The following ADCY2 variants were observed in gnomAD, a reference collection of about 807,000 sequenced individuals.
ADCY2 encodes adenylate cyclase 2.
Under a neutral mutation model 125.2 loss-of-function variants are expected in ADCY2, and 31 were observed. The ratio of observed to expected loss-of-function variants is 0.25; its 90% CI spans 0.19 to 0.33. The LOEUF (loss-of-function observed/expected upper bound fraction) is 0.33. Ranked by LOEUF, ADCY2 falls within the 10% of genes least tolerant of loss-of-function variation. The pLI is 1.00. For synonymous variants in ADCY2, 512 were observed against 548.4 expected (o/e 0.93, Z 0.93); for missense variants, 904 against 1,418.2 (o/e 0.64, Z 5.82).
intron 24 of ADCY2, among the ~76,000 whole-genome samples, chr5:7,821,495 G>A (rs1450134859): frequency 6.6e-6 from 1 of 152,198 alleles, no homozygotes; most frequent in Admixed American, 6.5e-5. Flanking sequence ...TGGCAGCTTG[G>A]TCAAGCCTGT....
At chr5:7,517,436 G>GT (rs2126528094) in intron 2 of ADCY2, among the ~76,000 whole-genome samples, 1 of 152,250 alleles carries the variant, frequency 6.6e-6, no homozygotes, top group Admixed American at 6.5e-5. Context: ...CCTATTTGAA[G>GT]TTGCATTGGA....
chr5:7,825,224 C>G (rs1745435209), intron 24 of ADCY2, among the ~76,000 whole-genome samples: 2 of 152,108 alleles, frequency 1.3e-5, no homozygotes, highest in African/African-American at 2.4e-5. Flanking sequence ...TGCTGTGCGC[C>G]ACGACAACGC....
intron 2 of ADCY2, among the ~76,000 whole-genome samples, chr5:7,519,871 T>A (rs1744380366): frequency 6.6e-6 from 1 of 152,098 alleles, no homozygotes; most frequent in Non-Finnish European, 1.5e-5. Flanking sequence ...CCCTATGGGT[T>A]TACTTATTCT....
chr5:7,777,393 CT>C (rs1560982137), intron 18 of ADCY2, among the ~76,000 whole-genome samples: 1 of 152,218 alleles, frequency 6.6e-6, no homozygotes, highest in Admixed American at 6.5e-5. Context: ...CAAAAAACAT[CT>C]GTTGAATGAA....
intron 22 of ADCY2, among the ~76,000 whole-genome samples, chr5:7,809,552 G>A (rs576732061): frequency 6.6e-6 from 1 of 152,194 alleles, no homozygotes; most frequent in Non-Finnish European, 1.5e-5. Flanking sequence ...GGCAACAAAA[G>A]ATATTCAGTT....
rs73737391 is a variant in ADCY2 at position 7,461,205 on chromosome 5, T to G, written c.408+46435T>G. ...AACCTTACAACCTTAGAGACCTGTC[T>G]GTCTCTCGTTGGCTGAATTTAGTCA... On this transcript the variant is annotated intron_variant, in intron 2 of 24. Coordinates refer to ENST00000338316, the MANE Select transcript of ADCY2 (RefSeq NM_020546.3). 5.5e-3 allele frequency among the ~76,000 whole-genome samples: 841 copies of G among 152,342 alleles called. 3 individuals are homozygous for G. The highest frequency in any genetic ancestry group is 0.019 in the African/African-American group (808 of 41,572).
At chr5:7,520,596 A>G in intron 2 of ADCY2, 142 bp from the exon 3 acceptor site, 1 of 854,976 alleles carries the variant, frequency 1.2e-6, no homozygotes, top group Non-Finnish European at 1.8e-6. Context: ...ATTTGCATCG[A>G]CTGCCCTATT....
At chr5:7,444,040 A>G (rs926427131) in intron 2 of ADCY2, among the ~76,000 whole-genome samples, 8 of 150,672 alleles carry the variant, frequency 5.3e-5, no homozygotes, top group Non-Finnish European at 1.2e-4. Flanking sequence ...TCTTCCTCAT[A>G]CCTGCTATTT....
At chr5:7,636,175 A>G (rs1479797299) in intron 4 of ADCY2, among the ~76,000 whole-genome samples, 1 of 152,256 alleles carries the variant, frequency 6.6e-6, no homozygotes, top group Non-Finnish European at 1.5e-5. Context: ...AAATAACAGA[A>G]GCAGTTTATT....
chr5:7,817,232 A>T (rs974957075), intron 23 of ADCY2, among the ~76,000 whole-genome samples: 5 of 152,132 alleles, frequency 3.3e-5, no homozygotes, highest in African/African-American at 1.2e-4. Flanking sequence ...GCCTTGAGCC[A>T]TCCTGCGTTG....
intron 4 of ADCY2, among the ~76,000 whole-genome samples, chr5:7,647,354 T>G (rs1211961556): frequency 6.6e-6 from 1 of 152,110 alleles, no homozygotes; most frequent in East Asian, 1.9e-4. Flanking sequence ...GCAGGCCACG[T>G]AAGCAATGAT....
intron 16 of ADCY2, among the ~76,000 whole-genome samples, chr5:7,757,847 T>C (rs1223308318): frequency 2.0e-5 from 3 of 152,194 alleles, no homozygotes; most frequent in African/African-American, 7.2e-5. Context: ...ATTTAGCATC[T>C]CTTGGCTACA....
intron 2 of ADCY2, among the ~76,000 whole-genome samples, chr5:7,440,263 T>G (rs987859931): frequency 6.6e-6 from 1 of 152,174 alleles, no homozygotes; most frequent in Non-Finnish European, 1.5e-5. Context: ...AGCCCTCACT[T>G]AGAGATCGCA....
chr5:7,706,788 G>T lies in ADCY2; in HGVS notation c.1154G>T (p.Gly385Val). Residue 385 changes from glycine (G) to valine (V), a missense_variant, in exon 8 of 25, where the codon GGC becomes GTC. Around this residue, in one of 7 missense-constraint regions of ADCY2, gnomAD observed 117 missense variants for 248.0 expected, o/e 0.47. Coordinates refer to ENST00000338316, the MANE Select transcript of ADCY2 (RefSeq NM_020546.3). ...ATGVDINMRV[G>V]VHSGNVLCGV... ...GGAGTTGATATCAACATGCGCGTGG[G>T]CGTGCATTCTGGGAATGTCCTGTGT... 1 of 1,614,232 alleles carries T rather than the reference G, an allele frequency of 6.2e-7. No individual in the cohort carries two copies. The highest frequency in any genetic ancestry group is 8.5e-7 in the Non-Finnish European group (1 of 1,180,038).
At chr5:7,411,383 G>A (rs1354888820) in intron 1 of ADCY2, among the ~76,000 whole-genome samples, 1 of 152,148 alleles carries the variant, frequency 6.6e-6, no homozygotes, top group African/African-American at 2.4e-5. Flanking sequence ...TCTGGGGAGG[G>A]CAGGCACACC....
At chr5:7,511,530 G>A (rs893098851) in intron 2 of ADCY2, among the ~76,000 whole-genome samples, 1 of 151,920 alleles carries the variant, frequency 6.6e-6, no homozygotes, top group South Asian at 2.1e-4. Flanking sequence ...AGCTGAGATC[G>A]CACCACTGCA....
chr5:7,520,707 G>T, intron 2 of ADCY2, 31 bp from the exon 3 acceptor site: 1 of 1,610,068 alleles, frequency 6.2e-7, no homozygotes, highest in South Asian at 1.1e-5. Flanking sequence ...AATATTTGGT[G>T]ACTCTTATTG....
At chr5:7,554,688 CT>C (rs1018206873) in intron 3 of ADCY2, among the ~76,000 whole-genome samples, 6 of 152,076 alleles carry the variant, frequency 3.9e-5, no homozygotes, top group African/African-American at 1.2e-4. Context: ...TAAAGAGGGT[CT>C]TGGGTCAAAT....
intron 19 of ADCY2, among the ~76,000 whole-genome samples, chr5:7,786,011 G>A (rs192106777): frequency 2.6e-5 from 4 of 152,160 alleles, no homozygotes; most frequent in Admixed American, 2.6e-4. Context: ...TACACAATTG[G>A]GTTGATACCA....
Sources: gnomAD v4.1 joint callset for allele counts (sites outside exome capture counted in the v4.1 genomes callset) on GRCh38, gnomAD v4.1.1 for gene constraint, gnomAD v4.1.1 regional missense constraint, MANE v1.5 for transcripts, NCBI Gene and HGNC (gene_info 2026-07-23, HGNC 2026-07-21) for gene names.